DMD: variants seen among roughly 807,000 people sequenced by gnomAD.
DMD encodes the protein dystrophin.
Under a neutral mutation model 330.1 loss-of-function variants are expected in DMD, and 63 were observed. The observed-to-expected ratio is 0.19, with a 90% CI of 0.16 to 0.24. The LOEUF is 0.24. Among genes scored for constraint, DMD ranks in the 10% least tolerant of loss-of-function variants. DMD has a pLI of 1.00. For missense variants in DMD, 3,344 were observed against 2,684.1 expected (o/e 1.25, Z -5.43); for synonymous variants, 1,223 against 959.8 (o/e 1.27, Z -5.07).
Position 32,056,389 on chromosome X carries a change from G to T in DMD, c.6439-87875C>A, listed in dbSNP as rs199916172. On this transcript the variant is annotated intron_variant, in intron 44 of 78. Coordinates refer to ENST00000357033, the MANE Select transcript of DMD (RefSeq NM_004006.3). ...ATTGACAAATCTTTAGGTAGATTAA[G>T]TAAAAAAAAAAAAAAAAAAAGGAAA... Among the ~76,000 whole-genome samples the T allele has an allele frequency of 6.7e-3, 149 of 22,366 alleles. 4 individuals carry two copies. The East Asian group carries it at 0.15, about 22-fold the overall frequency. 19.4% of individuals were successfully genotyped at this position (22,366 alleles called of 115,157 possible).
At chrX:32,302,913 A>C (rs1011953269) in intron 42 of DMD, among the ~76,000 whole-genome samples, 14 of 111,078 alleles carry the variant, frequency 1.3e-4, no homozygotes, top group African/African-American at 4.2e-4. Flanking sequence ...GGGTACAACT[A>C]TCAACAATCA....
At chrX:32,639,852 T>TG (rs1321135182) in intron 11 of DMD, among the ~76,000 whole-genome samples, 1 of 109,945 alleles carries the variant, frequency 9.1e-6, no homozygotes, top group Non-Finnish European at 1.9e-5. Context: ...CTATACTCTT[T>TG]GGGAAAAAAA....
chrX:31,586,891 C>G (rs1033652505), intron 55 of DMD, among the ~76,000 whole-genome samples: 1 of 111,994 alleles, frequency 8.9e-6, no homozygotes, highest in Non-Finnish European at 1.9e-5. Context: ...GAACTAAACT[C>G]TTTTTGAAAC....
chrX:32,228,002 A>G (rs771855474), intron 43 of DMD, among the ~76,000 whole-genome samples: 2 of 111,369 alleles, frequency 1.8e-5, no homozygotes, highest in South Asian at 7.5e-4. Context: ...TAATATGTAT[A>G]TAAGTATACA....
In DMD at chrX:32,915,975, T is replaced by C. The variant is rs572447928; in HGVS notation, c.94-66155A>G. 2.7e-5 allele frequency among the ~76,000 whole-genome samples: 3 copies of C among 111,231 alleles called. No homozygotes were observed. The South Asian group carries it at 1.1e-3, about 42-fold the overall frequency. On this transcript the variant is annotated intron_variant, in intron 2 of 78. Transcript: ENST00000357033. ...CCAAATGAATTAAAATATATGAAAA[T>C]GATTGATGAACTGTAAGGCATCATA... is the stretch of plus-strand genomic sequence containing the variant.
chrX:31,617,530 G>A (rs78188257), intron 55 of DMD, among the ~76,000 whole-genome samples: 3 of 52,074 alleles, frequency 5.8e-5, no homozygotes, highest in East Asian at 6.5e-4. Flanking sequence ...GCGAGACTTC[G>A]TCTCAAAAAA....
intron 2 of DMD, among the ~76,000 whole-genome samples, chrX:32,903,782 A>G (rs1450563569): frequency 2.7e-5 from 3 of 111,838 alleles, no homozygotes; most frequent in African/African-American, 9.7e-5. Context: ...AGAAGACCTG[A>G]AGATCTAAAG....
intron 43 of DMD, among the ~76,000 whole-genome samples, chrX:32,235,664 A>G (rs1278963546): frequency 2.7e-5 from 3 of 111,516 alleles, no homozygotes; most frequent in Non-Finnish European, 3.8e-5. Context: ...TATTTTTTCA[A>G]CTTTTTCTAA....
intron 1 of DMD, among the ~76,000 whole-genome samples, chrX:33,217,470 T>G (rs770016477): frequency 8.9e-6 from 1 of 111,899 alleles, no homozygotes; most frequent in South Asian, 3.7e-4. Context: ...GCTTTTTAGT[T>G]TGTAGTATAT....
chrX:31,199,278 G>C (rs765825751), intron 67 of DMD, among the ~76,000 whole-genome samples: 2 of 78,063 alleles, frequency 2.6e-5, no homozygotes, highest in Non-Finnish European at 5.3e-5. Flanking sequence ...TCTTAAACTC[G>C]TTGCAAAACT....
At chrX:32,603,473 C>T (rs808524) in intron 12 of DMD, among the ~76,000 whole-genome samples, 43,301 of 108,965 alleles carry the variant, frequency 0.4, 8,663 homozygotes, top group African/African-American at 0.78. Context: ...AAGAACAAAC[C>T]GAAACCAAAG....
chrX:32,873,741 C>T lies in DMD; in HGVS notation c.94-23921G>A, dbSNP rs184891756. Reference sequence around the variant, plus strand: ...ACTAAAAATTAGCCAAAACCCTTTGCTTCTCCAAAGTCGAATAAAAATCAA... The same window carrying T: ...ACTAAAAATTAGCCAAAACCCTTTGTTTCTCCAAAGTCGAATAAAAATCAA... On this transcript the variant is annotated intron_variant, in intron 2 of 78. Coordinates refer to ENST00000357033, the MANE Select transcript of DMD (RefSeq NM_004006.3). 3.6e-5 allele frequency among the ~76,000 whole-genome samples: 4 copies of T among 112,059 alleles called. No individual in the cohort carries two copies. The Admixed American group carries it at 3.8e-4, about 11-fold the overall frequency.
chrX:32,834,576 T>C (rs1306232035), intron 4 of DMD, among the ~76,000 whole-genome samples: 2 of 111,807 alleles, frequency 1.8e-5, no homozygotes, highest in Non-Finnish European at 3.8e-5. Flanking sequence ...AGTGAATATT[T>C]GAACATAGCT....
intron 18 of DMD, among the ~76,000 whole-genome samples, chrX:32,503,363 C>T (rs1358718235): frequency 8.9e-6 from 1 of 112,008 alleles, no homozygotes; most frequent in African/African-American, 3.3e-5. Flanking sequence ...GTACTCCAGC[C>T]TGGGCGACAG....
intron 1 of DMD, among the ~76,000 whole-genome samples, chrX:33,261,497 G>A (rs1490869339): frequency 9.1e-6 from 1 of 109,918 alleles, no homozygotes; most frequent in East Asian, 2.9e-4. Context: ...ATCACTGCTT[G>A]AAGTCACAAG....
chrX:32,880,371 G>A (rs2083815655), intron 2 of DMD, among the ~76,000 whole-genome samples: 1 of 110,106 alleles, frequency 9.1e-6, no homozygotes, highest in Non-Finnish European at 1.9e-5. Context: ...ATGTTTGGAA[G>A]AGATGGACTT....
At position 32,315,242 on chromosome X, in the gene DMD, A is replaced by G. The variant is rs890154095; in HGVS notation, c.5923-4966T>C. On this transcript the variant is annotated intron_variant, in intron 41 of 78. Coordinates refer to ENST00000357033, the MANE Select transcript of DMD (RefSeq NM_004006.3). The stretch of plus-strand genomic sequence containing the variant: ...ATGAGTTCGTGTCCTTTGCAGGAAC[A>G]TGGATGAAACTAGAAACCGTCATTC... 4.5e-5 allele frequency among the ~76,000 whole-genome samples: 5 copies of G among 111,871 alleles called. No homozygotes were observed. In the East Asian group the frequency reaches 8.5e-4, roughly 19 times the overall value.
chrX:33,030,190 T>C (rs2094082812), intron 1 of DMD, among the ~76,000 whole-genome samples: 1 of 111,991 alleles, frequency 8.9e-6, no homozygotes, highest in African/African-American at 3.2e-5. Context: ...CTTCCAAATA[T>C]ATTACAACTT....
At chrX:32,771,200 G>A (rs1161344452) in intron 7 of DMD, among the ~76,000 whole-genome samples, 1 of 111,882 alleles carries the variant, frequency 8.9e-6, no homozygotes, top group African/African-American at 3.2e-5. Context: ...ACACTTTTCA[G>A]AGACCACAGA....
Sources: allele counts gnomAD v4.1 joint callset (sites outside exome capture counted in the v4.1 genomes callset), GRCh38; gene constraint gnomAD v4.1.1; transcripts MANE v1.5; gene names NCBI Gene and HGNC (gene_info 2026-07-23, HGNC 2026-07-21).